The following KRT9 variants were observed in gnomAD, a reference collection of about 807,000 sequenced individuals.
KRT9 encodes keratin, type I cytoskeletal 9.
KRT9 carries 34 observed loss-of-function variants against 51.4 expected under a neutral mutation model. The ratio of observed to expected loss-of-function variants is 0.66; its 90% CI spans 0.50 to 0.88. The LOEUF (loss-of-function observed/expected upper bound fraction) is 0.88, where lower values mean the gene tolerates loss of function less well. Ranked by LOEUF, KRT9 falls within the 40% of genes least tolerant of loss-of-function variation. KRT9 has a pLI of 0.00. For missense variants in KRT9, 753 were observed against 790.3 expected (o/e 0.95, Z 0.57); for synonymous variants, 292 against 289.7 (o/e 1.01, Z -0.08).
At position 41,567,740 on chromosome 17, in the gene KRT9, C is replaced by G. The variant is rs201817471; in HGVS notation, c.1405G>C (p.Gly469Arg). The G allele has an allele frequency of 6.2e-7, 1 of 1,614,190 alleles. No homozygotes were observed. The highest frequency in any genetic ancestry group is 1.3e-5 in the African/African-American group (1 of 75,022). The part of the protein sequence containing the change: ...EGGQEDFESS[G>R]AGKIGLGGRG... ...CCTCCAAGGCCAATTTTTCCAGCTC[C>G]GGAGGATTCACTAAGAAAGAAAGAA... The change falls in exon 7 of 8, where the codon GGA (glycine) becomes CGA (arginine). Residue 469 changes from glycine to arginine, a missense_variant. Gly to Arg is a moderately radical substitution (Grantham distance 125). Around this residue, in one of 3 missense-constraint regions of KRT9, gnomAD observed 507 missense variants for 563.7 expected, o/e 0.90. Transcript: ENST00000246662.
rs752182454 is a variant in KRT9, at chr17:41,571,822, G to GCTTC, written c.167_170dup (p.Ser57ArgfsTer27). ...CGCCTCCCCTCCCACAGACACGAGA[G>GCTTC]CTTCCCCCACCATAGCCACTAGAAG... On this transcript the variant is annotated frameshift_variant, in exon 1 of 8. Coordinates refer to ENST00000246662, the MANE Select transcript of KRT9 (RefSeq NM_000226.4). LOFTEE classifies it high-confidence loss of function. 6.2e-7 allele frequency: 1 copy of GCTTC among 1,612,920 alleles called. No homozygotes were observed. Among genetic ancestry groups the GCTTC allele is most frequent in the Admixed American group, 1.7e-5 (1 of 59,976 alleles).
Position 41,568,299 on chromosome 17 carries a change from C to T in KRT9, c.1257G>A (p.Leu419=). 1 of 1,614,190 alleles carries T rather than the reference C, an allele frequency of 6.2e-7. No individual in the cohort carries two copies. Among genetic ancestry groups the T allele is most frequent in the Non-Finnish European group, 8.5e-7 (1 of 1,180,032 alleles). ...LQMIQEQISN[L]EAQITDVRQE... ...GCCGGACGTCAGTGATCTGGGCCTC[C>T]AAGTTACTGATCTGCTCCTGGATCA... The change falls in exon 6 of 8, where the codon TTG becomes TTA. Residue 419 remains leucine (L), a synonymous_variant. Transcript: ENST00000246662.
chr17:41,569,129 C>G (rs1597793547), intron 4 of KRT9, among the ~76,000 whole-genome samples: 1 of 152,238 alleles, frequency 6.6e-6, no homozygotes, highest in Non-Finnish European at 1.5e-5. Flanking sequence ...CTTTTGTTCA[C>G]ACACATCTAA....
Position 41,571,829 on chromosome 17 carries a change from C to T in KRT9, c.164G>A (p.Gly55Glu). ...GRFSSSSGYGGGSSRVCGRGG... is the reference protein window; with the variant it reads ...GRFSSSSGYGEGSSRVCGRGG... ...CCTCCCACAGACACGAGAGCTTCCCCCACCATAGCCACTAGAAGAGCTGAA... is the reference window on the plus strand; with the variant it reads ...CCTCCCACAGACACGAGAGCTTCCCTCACCATAGCCACTAGAAGAGCTGAA... The change falls in exon 1 of 8, where the codon GGG (glycine) becomes GAG (glutamate). Residue 55 changes from glycine (G) to glutamate (E), a missense_variant. Physicochemically the swap from Gly to Glu is moderately conservative, Grantham distance 98. This residue lies in a region of KRT9 where 241 missense variants were observed against 210.3 expected (regional missense o/e 1.15). Coordinates refer to ENST00000246662, the MANE Select transcript of KRT9 (RefSeq NM_000226.4). 1 of 1,612,942 alleles carries T rather than the reference C, an allele frequency of 6.2e-7. No individual in the cohort carries two copies. The highest frequency in any genetic ancestry group is 8.5e-7 in the Non-Finnish European group (1 of 1,179,330).
intron 2 of KRT9, 25 bp from the exon 3 acceptor site, chr17:41,570,040 A>C (rs1420440178): frequency 4.3e-6 from 7 of 1,614,082 alleles, no homozygotes; most frequent in Non-Finnish European, 3.4e-6. Flanking sequence ...GGGTTAGAAA[A>C]CAATCAAGAG....
At chr17:41,567,905 G>T (rs1906933347) in intron 6 of KRT9, among the ~76,000 whole-genome samples, 155 bp from the exon 7 acceptor site, 1 of 152,286 alleles carries the variant, frequency 6.6e-6, no homozygotes, top group East Asian at 1.9e-4. Context: ...ACAGCTGGGA[G>T]AGGAGAGCCT....
At position 41,571,202 on chromosome 17, in the gene KRT9, A is replaced by T. The variant is rs1218300175; in HGVS notation, c.642+149T>A. 29 of 821,590 alleles carry T rather than the reference A, an allele frequency of 3.5e-5. No individual in the cohort carries two copies. The East Asian group carries it at 6.6e-4, about 19-fold the overall frequency. The allele number at this position is 821,590 out of a possible 1,614,324, so 50.9% of individuals were successfully genotyped here. A position where few individuals can be genotyped will look rare whatever the true frequency, so the allele number is the denominator to read the frequency against. ...CTATCCTGGGATCCCCAGAAACCAAACACAAGTTTGTTTCTGATGAAAGCG... is the reference window on the plus strand; with the variant it reads ...CTATCCTGGGATCCCCAGAAACCAATCACAAGTTTGTTTCTGATGAAAGCG... On this transcript the variant is annotated intron_variant, in intron 1 of 7. Transcript: ENST00000246662.
intron 3 of KRT9, 84 bp downstream of exon 3, chr17:41,569,775 C>T (rs1907011989): frequency 5.1e-6 from 8 of 1,555,980 alleles, no homozygotes; most frequent in Non-Finnish European, 7.1e-6. Context: ...GGGTGTCTCC[C>T]AGGTAATGTT....
At position 41,569,951 on chromosome 17, in the gene KRT9, G is replaced by A; in HGVS notation, c.790C>T (p.Leu264=). 6.2e-7 allele frequency: 1 copy of A among 1,614,180 alleles called. No individual in the cohort carries two copies. Among genetic ancestry groups the A allele is most frequent in the African/African-American group, 1.3e-5 (1 of 75,046 alleles). ...DADINGLRQV[L]DNLTMEKSDL... ...GACTTCTCCATGGTCAGATTGTCCA[G>A]CACCTGCCGCAGGCCATTGATGTCA... The change falls in exon 3 of 8, where the codon CTG becomes TTG. Residue 264 remains leucine (L), a synonymous_variant. Transcript: ENST00000246662.
rs1037380700 is a variant in KRT9 at position 41,569,664 on chromosome 17, C to G, written c.883-77G>C. The G allele has an allele frequency of 7.0e-6, 11 of 1,580,880 alleles. No homozygotes were observed. In the Admixed American group the frequency reaches 1.8e-4, roughly 26 times the overall value. Reference sequence around the variant, plus strand: ...CTTTCAGAATTCTCCCTCTGGTCCCCCCAGGGTACAAAAAGGGGACACAGT... The same window carrying G: ...CTTTCAGAATTCTCCCTCTGGTCCCGCCAGGGTACAAAAAGGGGACACAGT... On this transcript the variant is annotated intron_variant, in intron 3 of 7. Transcript: ENST00000246662.
chr17:41,566,466 C>G (rs748956331), intron 7 of KRT9, among the ~76,000 whole-genome samples: 10 of 152,174 alleles, frequency 6.6e-5, no homozygotes, highest in Non-Finnish European at 1.3e-4. Flanking sequence ...TGGCCCCAGC[C>G]TCACTCCTAG....
chr17:41,572,022 G>A lies in KRT9; in HGVS notation c.-30C>T. 3 of 1,553,876 alleles carry A rather than the reference G, an allele frequency of 1.9e-6. No homozygotes were observed. Among genetic ancestry groups the A allele is most frequent in the Non-Finnish European group, 2.6e-6 (3 of 1,154,234 alleles). ...CAGCTGGTAGCTCACGGGTTGAGAA[G>A]CAGTGATAGGAGTGCTACCGGCTCC... is the stretch of plus-strand genomic sequence containing the variant. On this transcript the variant is annotated 5_prime_UTR_variant, in exon 1 of 8. Transcript: ENST00000246662.
At position 41,569,434 on chromosome 17, in the gene KRT9, C is replaced by T. The variant is rs1906994629; in HGVS notation, c.1036G>A (p.Glu346Lys). 1 of 1,613,996 alleles carries T rather than the reference C, an allele frequency of 6.2e-7. No individual in the cohort carries two copies. The highest frequency in any genetic ancestry group is 1.1e-5 in the South Asian group (1 of 91,038). Residue 346 changes from glutamate (E) to lysine (K), a missense_variant, in exon 4 of 8, where the codon GAG becomes AAG. Coordinates refer to ENST00000246662, the MANE Select transcript of KRT9 (RefSeq NM_000226.4). Reference protein sequence around the residue: ...KNRKDIENQYETQITQIEHEV... With the variant: ...KNRKDIENQYKTQITQIEHEV... Reference sequence around the variant, plus strand: ...CAGCCCACTCTGCTCACCTGAGTCTCATATTGATTCTCGATGTCCTTTCTG... The same window carrying T: ...CAGCCCACTCTGCTCACCTGAGTCTTATATTGATTCTCGATGTCCTTTCTG...
intron 7 of KRT9, 67 bp downstream of exon 7, chr17:41,567,166 A>T: frequency 6.5e-7 from 1 of 1,538,446 alleles, no homozygotes; most frequent in East Asian, 2.5e-5. Flanking sequence ...AGAGATTCAA[A>T]AATACTCAAA....
At chr17:41,569,670 G>A (rs971673284) in intron 3 of KRT9, 83 bp from the exon 4 acceptor site, 9 of 1,566,356 alleles carry the variant, frequency 5.7e-6, no homozygotes, top group East Asian at 2.2e-5. Flanking sequence ...TCCCCCCAGG[G>A]TACAAAAAGG....
chr17:41,567,088 G>A, intron 7 of KRT9, 145 bp downstream of exon 7: 1 of 1,343,162 alleles, frequency 7.4e-7, no homozygotes, highest in Non-Finnish European at 1.0e-6. Context: ...TCAGAACCAA[G>A]GGTAGGTCTC....
At chr17:41,570,272 A>G in intron 1 of KRT9, 52 bp from the exon 2 acceptor site, 3 of 1,495,324 alleles carry the variant, frequency 2.0e-6, no homozygotes, top group Non-Finnish European at 2.8e-6. Context: ...CACTGCTGAG[A>G]GGGCAAGAGG....
chr17:41,567,204 C>G (rs1029529698), intron 7 of KRT9, 29 bp downstream of exon 7: 1 of 1,613,146 alleles, frequency 6.2e-7, no homozygotes, highest in Non-Finnish European at 8.5e-7. Context: ...CCTTGACTCT[C>G]CACCCCACAA....
In KRT9 at chr17:41,571,531, C is replaced by A. The variant is rs1422302866; in HGVS notation, c.462G>T (p.Lys154Asn). The change falls in exon 1 of 8, where the codon AAG (lysine) becomes AAT (asparagine). Residue 154 changes from lysine to asparagine, a missense_variant. Around this residue, in one of 3 missense-constraint regions of KRT9, gnomAD observed 241 missense variants for 210.3 expected, o/e 1.15. Transcript: ENST00000246662. ...GAGAATTGAGTTCCTGCATGGTGCT[C>A]TTCTCATTAGCAGTCAGAATACCAC... Reference protein sequence around the residue: ...GDGGILTANEKSTMQELNSRL... With the variant: ...GDGGILTANENSTMQELNSRL... The A allele has an allele frequency of 1.9e-6, 3 of 1,613,846 alleles. No homozygotes were observed.
Sources: gnomAD v4.1 joint callset for allele counts (sites outside exome capture counted in the v4.1 genomes callset) on GRCh38, gnomAD v4.1.1 for gene constraint, gnomAD v4.1.1 regional missense constraint, MANE v1.5 for transcripts, NCBI Gene and HGNC (gene_info 2026-07-23, HGNC 2026-07-21) for gene names.